SBK1: variants seen among roughly 807,000 people sequenced by gnomAD.
The protein encoded by SBK1 is SH3 domain binding kinase 1, also known as serine/threonine-protein kinase SBK1.
In SBK1, 11 loss-of-function variants were observed where a neutral mutation model predicts 24.4. That is an observed-to-expected ratio of 0.45 (90% CI 0.28 to 0.75). The LOEUF is 0.75. Ranked by LOEUF, SBK1 falls within the 30% of genes least tolerant of loss-of-function variation. SBK1 has a pLI of 0.12. For missense variants in SBK1, 467 were observed against 620.5 expected (o/e 0.75, Z 2.63); for synonymous variants, 308 against 284.4 (o/e 1.08, Z -0.83).
chr16:28,307,754 AAAG>A (rs1226264245), intron 1 of SBK1, among the ~76,000 whole-genome samples: 2 of 151,596 alleles, frequency 1.3e-5, no homozygotes, highest in Non-Finnish European at 2.9e-5. Flanking sequence ...AAAAAAAAAA[AAAG>A]AAGAAAGAAA....
intron 1 of SBK1, among the ~76,000 whole-genome samples, chr16:28,261,087 C>T (rs943319289): frequency 6.6e-6 from 1 of 151,940 alleles, no homozygotes; most frequent in Admixed American, 6.6e-5. Flanking sequence ...GGGACCTGAC[C>T]CATAGGCACT....
At chr16:28,274,904 C>T (rs1486931469) in intron 1 of SBK1, among the ~76,000 whole-genome samples, 2 of 151,912 alleles carry the variant, frequency 1.3e-5, no homozygotes, top group African/African-American at 4.8e-5. Context: ...ATCCTCTTCT[C>T]CCAAAGTGGG....
chr16:28,267,810 G>A (rs956435767), intron 1 of SBK1, among the ~76,000 whole-genome samples: 4 of 152,162 alleles, frequency 2.6e-5, no homozygotes, highest in Non-Finnish European at 5.9e-5. Context: ...GTAAAGCTGG[G>A]GCTGAACCCC....
chr16:28,284,948 C>T (rs1388188286), intron 1 of SBK1: 1 of 152,176 alleles, frequency 6.6e-6, no homozygotes, highest in Non-Finnish European at 1.5e-5. Flanking sequence ...ACATTTATGT[C>T]AGAGTTTTTC....
Position 28,317,445 on chromosome 16 carries a change from G to A in SBK1, c.54G>A (p.Gly18=). ...CGCCCCGCTCCCTGACCTGCTGTGG[G>A]CCGGGGACTGCCCCTGGGCCTGGTG... is the stretch of plus-strand genomic sequence containing the variant. ...PEPPRSLTCC[G]PGTAPGPGAG... Residue 18 remains glycine (G), a synonymous_variant, in exon 2 of 4, where the codon GGG becomes GGA. Coordinates refer to ENST00000341901, the MANE Select transcript of SBK1 (RefSeq NM_001024401.3). The surrounding 1 kb of genome is among the most constrained non-coding windows in gnomAD (Gnocchi z 4.2). The A allele has an allele frequency of 6.2e-7, 1 of 1,614,166 alleles. No homozygotes were observed. Among genetic ancestry groups the A allele is most frequent in the Non-Finnish European group, 8.5e-7 (1 of 1,180,034 alleles).
intron 1 of SBK1, among the ~76,000 whole-genome samples, chr16:28,269,169 G>A (rs1040785104): frequency 1.3e-5 from 2 of 151,764 alleles, no homozygotes; most frequent in African/African-American, 4.8e-5. Flanking sequence ...GAGTAGCTGG[G>A]ATTAAAAGCG....
intron 1 of SBK1, among the ~76,000 whole-genome samples, chr16:28,267,777 C>A (rs2044438897): frequency 6.6e-6 from 1 of 152,178 alleles, no homozygotes. Context: ...GCATTAATAG[C>A]CTAAGTACCT....
At position 28,280,212 on chromosome 16, in the gene SBK1, C is replaced by T. The variant is rs9925904; in HGVS notation, c.257+20710C>T. On this transcript the variant is annotated intron_variant, in intron 1 of 3. Transcript: ENST00000671413. ...ATATATGTACATATATGTATATATA[C>T]GTATACGCATATACATATATACATA... Among the ~76,000 whole-genome samples the T allele has an allele frequency of 7.4e-3, 740 of 99,762 alleles. 10 individuals carry two copies. The highest frequency in any genetic ancestry group is 0.025 in the African/African-American group (671 of 26,800). The allele number at this position is 99,762 out of a possible 152,430, so 65.4% of individuals were successfully genotyped here.
At chr16:28,318,404 C>T (rs1436412395) in intron 2 of SBK1, among the ~76,000 whole-genome samples, 1 of 152,248 alleles carries the variant, frequency 6.6e-6, no homozygotes, top group Admixed American at 6.5e-5. Context: ...GACTTCACCT[C>T]TCTGTGCTTC....
At chr16:28,294,788 G>C (rs999437056) in intron 1 of SBK1, among the ~76,000 whole-genome samples, 1 of 152,230 alleles carries the variant, frequency 6.6e-6, no homozygotes, top group Non-Finnish European at 1.5e-5. Flanking sequence ...TGACCAGCTG[G>C]AGACGAGGGT....
chr16:28,314,864 A>C (rs1321640419), intron 1 of SBK1, among the ~76,000 whole-genome samples: 1 of 152,228 alleles, frequency 6.6e-6, no homozygotes, highest in Non-Finnish European at 1.5e-5. Context: ...CTGTAATCCC[A>C]GCTACTTGGG....
Position 28,322,536 on chromosome 16 carries a change from C to T in SBK1, c.*1615C>T, listed in dbSNP as rs1251623481. 1 of 153,070 alleles carries T rather than the reference C, an allele frequency of 6.5e-6. No homozygotes were observed. The highest frequency in any genetic ancestry group is 2.1e-4 in the South Asian group (1 of 4,836). The allele number at this position is 153,070 out of a possible 1,614,324, so 9.5% of individuals were successfully genotyped here. ...TGGCTGGTGCCCCAACCTCTCCACT[C>T]CCCACTCATTCCCACCTTGAAAAAG... On this transcript the variant is annotated 3_prime_UTR_variant, in exon 4 of 4. Coordinates refer to ENST00000341901, the MANE Select transcript of SBK1 (RefSeq NM_001024401.3).
intron 1 of SBK1, among the ~76,000 whole-genome samples, chr16:28,294,606 G>A (rs562635503): frequency 9.2e-5 from 14 of 152,276 alleles, no homozygotes; most frequent in South Asian, 2.1e-4. Context: ...GAAGTGGACC[G>A]GGCCAGGTCC....
chr16:28,287,319 C>T (rs888575435), intron 1 of SBK1, among the ~76,000 whole-genome samples: 6 of 144,188 alleles, frequency 4.2e-5, no homozygotes, highest in Middle Eastern at 3.6e-3. Flanking sequence ...CATGGTGGCA[C>T]GTGCCTGTAA....
At chr16:28,286,229 A>C (rs531669059) in intron 1 of SBK1, 17 of 152,438 alleles carry the variant, frequency 1.1e-4, no homozygotes, top group African/African-American at 4.1e-4. Flanking sequence ...GGTCCCAGGG[A>C]GGAGGTTCTC....
Position 28,316,977 on chromosome 16 carries a change from C to T in SBK1, c.-7-408C>T, listed in dbSNP as rs939287955. On this transcript the variant is annotated intron_variant, in intron 1 of 3. Coordinates refer to ENST00000341901, the MANE Select transcript of SBK1 (RefSeq NM_001024401.3). ...GAGGGATCACTTGAATCCAGGATTT[C>T]GAGACCAGCCTGGGCCACATAGTGG... Among the ~76,000 whole-genome samples the T allele has an allele frequency of 2.0e-5, 3 of 152,178 alleles. No individual in the cohort carries two copies. The East Asian group carries it at 5.8e-4, about 29-fold the overall frequency.
chr16:28,283,361 C>G (rs2044545584), intron 1 of SBK1, among the ~76,000 whole-genome samples: 2 of 152,118 alleles, frequency 1.3e-5, no homozygotes, highest in African/African-American at 4.8e-5. Flanking sequence ...TCAGGCATAG[C>G]TGGATCAAGG....
chr16:28,266,497 T>C (rs1408942001), intron 1 of SBK1, among the ~76,000 whole-genome samples: 1 of 152,196 alleles, frequency 6.6e-6, no homozygotes, highest in Non-Finnish European at 1.5e-5. Context: ...AAGTTAATTC[T>C]TACGGTTTTA....
intron 1 of SBK1, among the ~76,000 whole-genome samples, chr16:28,307,375 A>G (rs535286737): frequency 6.6e-6 from 1 of 152,344 alleles, no homozygotes; most frequent in East Asian, 1.9e-4. Flanking sequence ...ATTCAAATCC[A>G]GGCACCATCA....
Sources: allele counts gnomAD v4.1 joint callset (sites outside exome capture counted in the v4.1 genomes callset), GRCh38; gene constraint gnomAD v4.1.1; non-coding constraint Gnocchi (gnomAD v3.1); transcripts MANE v1.5; gene names NCBI Gene and HGNC (gene_info 2026-07-23, HGNC 2026-07-21).